Variants in PPP1R15B observed in about 807,000 individuals in gnomAD.
PPP1R15B encodes the protein protein phosphatase 1, regulatory (inhibitor) subunit 15B.
Under a neutral mutation model 53.9 loss-of-function variants are expected in PPP1R15B, and 31 were observed. The observed-to-expected ratio is 0.58, with a 90% CI of 0.43 to 0.78. The LOEUF is 0.78. PPP1R15B is among the 30% of genes least tolerant of loss of function. PPP1R15B has a pLI of 0.00. For missense variants in PPP1R15B, 928 were observed against 849.6 expected (o/e 1.09, Z -1.15); for synonymous variants, 345 against 329.1 (o/e 1.05, Z -0.52).
Position 204,404,868 on chromosome 1 carries a change from T to C in PPP1R15B, c.*1224A>G, listed in dbSNP as rs1383565969. 3.0e-6 allele frequency: 3 copies of C among 985,828 alleles called. No homozygotes were observed. Among genetic ancestry groups the C allele is most frequent in the East Asian group, 2.3e-4 (2 of 8,818 alleles). 61.1% of individuals were successfully genotyped at this position (985,828 alleles called of 1,614,324 possible). A position where few individuals can be genotyped will look rare whatever the true frequency, so the allele number is the denominator to read the frequency against. ...AAATAAACCAAACACAAACAGTCAA[T>C]GCAAAGACTTCAATTCAAAGTAACC... On this transcript the variant is annotated 3_prime_UTR_variant, in exon 2 of 2. Transcript: ENST00000367188.
chr1:204,406,062 G>C lies in PPP1R15B; in HGVS notation c.*30C>G. On this transcript the variant is annotated 3_prime_UTR_variant, in exon 2 of 2. Transcript: ENST00000367188. The stretch of plus-strand genomic sequence containing the variant: ...AGACACCTCTCAGGTAAGAGGTAGT[G>C]TATGCTAGCTAGGACTACAGGCTGC... 6.2e-7 allele frequency: 1 copy of C among 1,609,770 alleles called. No homozygotes were observed.
chr1:204,397,099 G>C (rs1420129245), downstream of PPP1R15B, among the ~76,000 whole-genome samples: 1 of 151,856 alleles, frequency 6.6e-6, no homozygotes, highest in Non-Finnish European at 1.5e-5. Context: ...GAGGCAAGAG[G>C]ATTGCCTGAG....
At chr1:204,399,557 CAAA>C (rs111350215), downstream of PPP1R15B, among the ~76,000 whole-genome samples, 8 of 104,702 alleles carry the variant, frequency 7.6e-5, no homozygotes, top group Non-Finnish European at 8.2e-5. Flanking sequence ...AACCCTGTCT[CAAA>C]AAAAAAAAAA....
chr1:204,405,179 CTGAGA>C lies in PPP1R15B; in HGVS notation c.*908_*912del, dbSNP rs1674243839. On this transcript the variant is annotated 3_prime_UTR_variant, in exon 2 of 2. Transcript: ENST00000367188. ...ACATATACACCAAAACCAAATTGCTCTGAGATGTCTCCTATTTTCTTTCTAGGAAA... is the reference window on the plus strand; with the variant it reads ...ACATATACACCAAAACCAAATTGCTCTGTCTCCTATTTTCTTTCTAGGAAA... The C allele has an allele frequency of 2.0e-6, 2 of 985,410 alleles. No individual in the cohort carries two copies. Among genetic ancestry groups the C allele is most frequent in the Non-Finnish European group, 2.4e-6 (2 of 829,624 alleles). 61.0% of individuals were successfully genotyped at this position (985,410 alleles called of 1,614,324 possible).
chr1:204,409,637 G>A lies in PPP1R15B; in HGVS notation c.1775C>T (p.Ser592Phe). 1 of 1,614,208 alleles carries A rather than the reference G, an allele frequency of 6.2e-7. No homozygotes were observed. The highest frequency in any genetic ancestry group is 1.3e-5 in the African/African-American group (1 of 75,050). The change falls in exon 1 of 2, where the codon TCT becomes TTT. Residue 592 changes from serine (S) to phenylalanine (F), a missense_variant. Transcript: ENST00000367188. ...EKGCRDSKTPSESIVAISECH... is the reference protein window; with the variant it reads ...EKGCRDSKTPFESIVAISECH... ...CTCAGAAATGGCCACAATGGACTCA[G>A]ATGGGGTCTTTGAGTCACGACAGCC...
rs943995361 is a variant in PPP1R15B at position 204,404,250 on chromosome 1, G to C, written c.*1842C>G. ...CAGAATCCCAGCACTTTGAGAGGCC[G>C]AGGCGGGCGGATCACGAGGTCAGCA... On this transcript the variant is annotated 3_prime_UTR_variant, in exon 2 of 2. Coordinates refer to ENST00000367188, the MANE Select transcript of PPP1R15B (RefSeq NM_032833.5). 2 of 980,462 alleles carry C rather than the reference G, an allele frequency of 2.0e-6. No homozygotes were observed. The highest frequency in any genetic ancestry group is 1.8e-5 in the African/African-American group (1 of 57,078). The allele number at this position is 980,462 out of a possible 1,614,324, so 60.7% of individuals were successfully genotyped here.
Position 204,403,425 on chromosome 1 carries a change from T to C in PPP1R15B, c.*2667A>G. 1.4e-6 allele frequency: 1 copy of C among 737,410 alleles called. No individual in the cohort carries two copies. The highest frequency in any genetic ancestry group is 1.7e-6 in the Non-Finnish European group (1 of 603,808). 45.7% of individuals were successfully genotyped at this position (737,410 alleles called of 1,614,324 possible). A position where few individuals can be genotyped will look rare whatever the true frequency, so the allele number is the denominator to read the frequency against. On this transcript the variant is annotated 3_prime_UTR_variant, in exon 2 of 2. Transcript: ENST00000367188. ...AATATATTTATTACAATTTACAGAT[T>C]AGTTATGTTATATACACAAATATAA...
Position 204,409,954 on chromosome 1 carries a change from A to T in PPP1R15B, c.1458T>A (p.Pro486=), listed in dbSNP as rs752329211. Residue 486 remains proline, a synonymous_variant, in exon 1 of 2, where the codon CCT becomes CCA. Transcript: ENST00000367188. ...TTGCTGTAAAGTTCTGGGGATTATA[A>T]GGATCTACACTGCAGAAAGAGTTCC... ...HLWNSFCSVD[P]YNPQNFTATI... 12 of 1,582,364 alleles carry T rather than the reference A, an allele frequency of 7.6e-6. No individual in the cohort carries two copies. Among genetic ancestry groups the T allele is most frequent in the Non-Finnish European group, 8.6e-6 (10 of 1,164,084 alleles).
rs1374508260 is a variant in PPP1R15B at position 204,410,021 on chromosome 1, G to A, written c.1391C>T (p.Ser464Leu). Residue 464 changes from serine to leucine, a missense_variant, in exon 1 of 2, where the codon TCA (serine) becomes TTA (leucine). By Grantham distance (145) the Ser-to-Leu change is moderately radical. Coordinates refer to ENST00000367188, the MANE Select transcript of PPP1R15B (RefSeq NM_032833.5). Reference protein sequence around the residue: ...DDGFDSDSSLSDSDLEQDPEG... With the variant: ...DDGFDSDSSLLDSDLEQDPEG... ...AGGGTCTTGTTCAAGGTCTGAGTCTGACAGTGAGCTATCACTATCAAAACC... is the reference window on the plus strand; with the variant it reads ...AGGGTCTTGTTCAAGGTCTGAGTCTAACAGTGAGCTATCACTATCAAAACC... 2 of 1,614,170 alleles carry A rather than the reference G, an allele frequency of 1.2e-6. No homozygotes were observed. The highest frequency in any genetic ancestry group is 1.1e-5 in the South Asian group (1 of 91,088).
chr1:204,403,133 C>T (rs1238766077), downstream of PPP1R15B, among the ~76,000 whole-genome samples: 1 of 152,124 alleles, frequency 6.6e-6, no homozygotes, highest in Non-Finnish European at 1.5e-5. Flanking sequence ...CTAGGCTAAG[C>T]CCAGCATCTG....
Position 204,405,156 on chromosome 1 carries a change from A to G in PPP1R15B, c.*936T>C. 1 of 985,858 alleles carries G rather than the reference A, an allele frequency of 1.0e-6. No individual in the cohort carries two copies. Among genetic ancestry groups the G allele is most frequent in the Non-Finnish European group, 1.2e-6 (1 of 829,894 alleles). 61.1% of individuals were successfully genotyped at this position (985,858 alleles called of 1,614,324 possible). On this transcript the variant is annotated 3_prime_UTR_variant, in exon 2 of 2. Transcript: ENST00000367188. Reference sequence around the variant, plus strand: ...TTAACACTGGTTTTCTGTTGAGAACATATACACCAAAACCAAATTGCTCTG... The same window carrying G: ...TTAACACTGGTTTTCTGTTGAGAACGTATACACCAAAACCAAATTGCTCTG...
downstream of PPP1R15B, among the ~76,000 whole-genome samples, chr1:204,396,543 C>A: frequency 8.1e-6 from 1 of 123,040 alleles, no homozygotes; most frequent in African/African-American, 2.9e-5. Context: ...ACAGTAAGAC[C>A]CTGTCTGTCA....
Position 204,410,739 on chromosome 1 carries a change from G to A in PPP1R15B, c.673C>T (p.Pro225Ser), listed in dbSNP as rs1674355321. 5 of 1,614,164 alleles carry A rather than the reference G, an allele frequency of 3.1e-6. No homozygotes were observed. The highest frequency in any genetic ancestry group is 4.2e-6 in the Non-Finnish European group (5 of 1,180,026). The change falls in exon 1 of 2, where the codon CCT becomes TCT. Residue 225 changes from proline to serine, a missense_variant. Pro to Ser is a moderately conservative substitution (Grantham distance 74). Coordinates refer to ENST00000367188, the MANE Select transcript of PPP1R15B (RefSeq NM_032833.5). ...CTAGGAAAGCAGTCCAGGTAGGAAG[G>A]GTTCAGCAAATAGGATACCACACTG... ...NFSVVSYLLN[P>S]SYLDCFPRLE...
chr1:204,402,332 G>A (rs1257632272), downstream of PPP1R15B, among the ~76,000 whole-genome samples: 5 of 151,796 alleles, frequency 3.3e-5, no homozygotes, highest in Admixed American at 1.3e-4. Context: ...TTTCTTTTTC[G>A]GAGTAAAAAT....
At position 204,407,408 on chromosome 1, in the gene PPP1R15B, T is replaced by C. The variant is rs548338316; in HGVS notation, c.1921-1095A>G. Reference sequence around the variant, plus strand: ...ATGACATGTAATGAGTGACAATCCCTACTCATTACTAATCACTACTTAATT... The same window carrying C: ...ATGACATGTAATGAGTGACAATCCCCACTCATTACTAATCACTACTTAATT... On this transcript the variant is annotated intron_variant, in intron 1 of 1. Coordinates refer to ENST00000367188, the MANE Select transcript of PPP1R15B (RefSeq NM_032833.5). Among the ~76,000 whole-genome samples, 5 of 152,364 alleles carry C rather than the reference T, an allele frequency of 3.3e-5. No homozygotes were observed. In the South Asian group the frequency reaches 1.0e-3, roughly 32 times the overall value.
chr1:204,397,484 C>G (rs1216920869), downstream of PPP1R15B, among the ~76,000 whole-genome samples: 1 of 152,066 alleles, frequency 6.6e-6, no homozygotes, highest in Non-Finnish European at 1.5e-5. Context: ...CGAAATTGCA[C>G]CACTGCACTC....
At chr1:204,406,515 G>A (rs902734454) in intron 1 of PPP1R15B, among the ~76,000 whole-genome samples, 23 of 152,092 alleles carry the variant, frequency 1.5e-4, no homozygotes, top group Middle Eastern at 3.4e-3. Context: ...TTTGGGAGGC[G>A]GAAGCAGGCG....
At chr1:204,401,373 T>C (rs1275547714), downstream of PPP1R15B, among the ~76,000 whole-genome samples, 1 of 152,248 alleles carries the variant, frequency 6.6e-6, no homozygotes, top group African/African-American at 2.4e-5. Context: ...TGGTGTTTTG[T>C]GTTGATCACA....
At chr1:204,406,955 G>A (rs1674276233) in intron 1 of PPP1R15B, among the ~76,000 whole-genome samples, 1 of 151,488 alleles carries the variant, frequency 6.6e-6, no homozygotes, top group Non-Finnish European at 1.5e-5. Flanking sequence ...AATCCAGATA[G>A]GGAATTGAAT....
Sources: gnomAD v4.1 joint callset for allele counts (sites outside exome capture counted in the v4.1 genomes callset) on GRCh38, gnomAD v4.1.1 for gene constraint, MANE v1.5 for transcripts, NCBI Gene and HGNC (gene_info 2026-07-23, HGNC 2026-07-21) for gene names.